The following PSMA3 variants were observed in gnomAD, a reference collection of about 807,000 sequenced individuals.
PSMA3 encodes proteasome subunit alpha type-3.
Under a neutral mutation model 40.0 loss-of-function variants are expected in PSMA3, and 8 were observed. The ratio of observed to expected loss-of-function variants is 0.20; its 90% CI spans 0.12 to 0.36. The LOEUF (loss-of-function observed/expected upper bound fraction) is 0.36. Ranked by LOEUF, PSMA3 falls within the 10% of genes least tolerant of loss-of-function variation. The pLI is 1.00. For synonymous variants in PSMA3, 110 were observed against 100.0 expected, an observed-to-expected ratio of 1.10 and a Z score of -0.59; for missense variants, 219 against 310.6, an observed-to-expected ratio of 0.70 and a Z score of 2.22.
At position 58,247,811 on chromosome 14, in the gene PSMA3, T is replaced by C; in HGVS notation, c.83T>C (p.Met28Thr). ...AGAGTTTTTCAAGTTGAATATGCTATGAAGGCTGTGGAAAATAGTAGGTAA... is the reference window on the plus strand; with the variant it reads ...AGAGTTTTTCAAGTTGAATATGCTACGAAGGCTGTGGAAAATAGTAGGTAA... ...DGRVFQVEYAMKAVENSSTAI... is the reference protein window; with the variant it reads ...DGRVFQVEYATKAVENSSTAI... The change falls in exon 2 of 11, where the codon ATG (methionine) becomes ACG (threonine). Residue 28 changes from methionine to threonine, a missense_variant. Met to Thr is a moderately conservative substitution (Grantham distance 81). Transcript: ENST00000216455. 1 of 1,602,316 alleles carries C rather than the reference T, an allele frequency of 6.2e-7. No homozygotes were observed. The highest frequency in any genetic ancestry group is 8.5e-7 in the Non-Finnish European group (1 of 1,170,060).
chr14:58,270,623 T>A (rs1890586932), intron 9 of PSMA3, 138 bp downstream of exon 9: 4 of 1,454,580 alleles, frequency 2.7e-6, no homozygotes, highest in South Asian at 2.8e-5. Context: ...TTCTGCTTAA[T>A]AATTGACTTA....
rs758758095 is a variant in PSMA3 at position 58,257,960 on chromosome 14, A to G, written c.366A>G (p.Ala122=). 3.1e-6 allele frequency: 5 copies of G among 1,614,158 alleles called. No homozygotes were observed. The highest frequency in any genetic ancestry group is 4.5e-5 in the East Asian group (2 of 44,882). ...LADRVAMYVH[A]YTLYSAVRPF... is the part of the protein sequence containing the mutation. ...ACAGAGTGGCCATGTATGTGCATGC[A>G]TATACACTCTACAGTGCTGTTAGAC... Residue 122 remains alanine (A), a synonymous_variant, in exon 5 of 11, where the codon GCA becomes GCG. Coordinates refer to ENST00000216455, the MANE Select transcript of PSMA3 (RefSeq NM_002788.4).
chr14:58,257,796 G>C lies in PSMA3; in HGVS notation c.280G>C (p.Glu94Gln), dbSNP rs1217248630. ...DARSLADIAR[E>Q]EASNFRSNFG... ...TCGTTCTTTAGCAGACATAGCAAGA[G>C]AAGAAGCTTCCAACTTCAGATCTAA... The change falls in exon 4 of 11, where the codon GAA (glutamate) becomes CAA (glutamine). Residue 94 changes from glutamate (E) to glutamine (Q), a missense_variant. Physicochemically the swap from Glu to Gln is conservative, Grantham distance 29 (BLOSUM62 2). Transcript: ENST00000216455. 4 of 1,613,546 alleles carry C rather than the reference G, an allele frequency of 2.5e-6. No homozygotes were observed. The highest frequency in any genetic ancestry group is 3.4e-6 in the Non-Finnish European group (4 of 1,179,692).
chr14:58,267,534 T>A lies in PSMA3; in HGVS notation c.590+14T>A. 6.4e-7 allele frequency: 1 copy of A among 1,569,870 alleles called. No homozygotes were observed. The highest frequency in any genetic ancestry group is 8.6e-7 in the Non-Finnish European group (1 of 1,162,788). ...AGTTGCAAAAATGTAAGTTGAAATTTTTCTTACCATCCACAAAAATATTTC... is the reference window on the plus strand; with the variant it reads ...AGTTGCAAAAATGTAAGTTGAAATTATTCTTACCATCCACAAAAATATTTC... On this transcript the variant is annotated intron_variant, in intron 8 of 10. Coordinates refer to ENST00000216455, the MANE Select transcript of PSMA3 (RefSeq NM_002788.4).
chr14:58,264,368 T>TA (rs1359638058), intron 7 of PSMA3, among the ~76,000 whole-genome samples: 2 of 152,376 alleles, frequency 1.3e-5, no homozygotes, highest in Middle Eastern at 3.4e-3. Context: ...CCTACACTCT[T>TA]ACGACTACCC....
intron 6 of PSMA3, among the ~76,000 whole-genome samples, chr14:58,263,181 T>C (rs567843903): frequency 3.9e-4 from 59 of 151,874 alleles, no homozygotes; most frequent in Admixed American, 2.8e-3. Context: ...GACAGGGTTT[T>C]ACAATGTTGG....
intron 2 of PSMA3, 120 bp downstream of exon 2, chr14:58,247,952 A>C (rs1889915745): frequency 3.2e-6 from 2 of 632,204 alleles, no homozygotes; most frequent in Admixed American, 3.3e-5. Context: ...CAATTTATTC[A>C]TTTCCAGATC....
chr14:58,252,074 C>A (rs1211315439), intron 2 of PSMA3, 45 bp from the exon 3 acceptor site: 1 of 1,544,080 alleles, frequency 6.5e-7, no homozygotes, highest in East Asian at 2.3e-5. Context: ...TATGAAGTTT[C>A]TTTTATTTTC....
chr14:58,269,242 T>C (rs1890539012), intron 8 of PSMA3, among the ~76,000 whole-genome samples: 1 of 152,038 alleles, frequency 6.6e-6, no homozygotes, highest in Admixed American at 6.6e-5. Context: ...TCTTGATACT[T>C]TTTATGTTAC....
chr14:58,259,884 A>C (rs891232852), intron 5 of PSMA3, among the ~76,000 whole-genome samples: 4 of 152,176 alleles, frequency 2.6e-5, no homozygotes, highest in African/African-American at 9.7e-5. Flanking sequence ...ATACTGATGT[A>C]GGAAGGGGTC....
At chr14:58,249,248 C>T (rs1344293544) in intron 2 of PSMA3, among the ~76,000 whole-genome samples, 1 of 152,042 alleles carries the variant, frequency 6.6e-6, no homozygotes, top group African/African-American at 2.4e-5. Context: ...GCATGAGCCA[C>T]GGCGCCCGGC....
At chr14:58,259,103 A>AT (rs1032005308) in intron 5 of PSMA3, among the ~76,000 whole-genome samples, 9 of 151,370 alleles carry the variant, frequency 5.9e-5, no homozygotes, top group African/African-American at 9.7e-5. Flanking sequence ...AATTAACAAA[A>AT]TTTTTTTTTG....
At chr14:58,247,400 T>C (rs1201043165) in intron 1 of PSMA3, among the ~76,000 whole-genome samples, 1 of 152,240 alleles carries the variant, frequency 6.6e-6, no homozygotes, top group Non-Finnish European at 1.5e-5. Context: ...TGAAGTCTTT[T>C]AGTTTGTTAA....
rs150416704 is a variant in PSMA3, at chr14:58,259,437, C to T, written c.404+1439C>T. ...TCAAGCTATTCTCCTGCCTCAACCT[C>T]CTGAGTAGCAGGGATTACAAGCACC... On this transcript the variant is annotated intron_variant, in intron 5 of 10. Transcript: ENST00000216455. Among the ~76,000 whole-genome samples the T allele has an allele frequency of 4.8e-3, 727 of 152,264 alleles. 5 individuals carry two copies. Among genetic ancestry groups the T allele is most frequent in the African/African-American group, 0.017 (701 of 41,554 alleles).
At chr14:58,251,515 C>G (rs972615710) in intron 2 of PSMA3, among the ~76,000 whole-genome samples, 2 of 152,218 alleles carry the variant, frequency 1.3e-5, no homozygotes, top group African/African-American at 4.8e-5. Flanking sequence ...ATCCTCCTGC[C>G]TCAGCATCCC....
chr14:58,257,978 T>C lies in PSMA3; in HGVS notation c.384T>C (p.Ala128=), dbSNP rs781356426. The stretch of plus-strand genomic sequence containing the variant: ...TGCATGCATATACACTCTACAGTGC[T>C]GTTAGACCTTTTGGCTGCAGGTAAG... The part of the protein sequence containing the change: ...MYVHAYTLYS[A]VRPFGCSFML... The change falls in exon 5 of 11, where the codon GCT becomes GCC. Residue 128 remains alanine, a synonymous_variant. Transcript: ENST00000216455. The C allele has an allele frequency of 1.2e-6, 2 of 1,613,644 alleles. No homozygotes were observed. Among genetic ancestry groups the C allele is most frequent in the South Asian group, 1.1e-5 (1 of 91,080 alleles).
chr14:58,257,031 G>A (rs1296717769), intron 3 of PSMA3, among the ~76,000 whole-genome samples: 1 of 150,678 alleles, frequency 6.6e-6, no homozygotes, highest in Non-Finnish European at 1.5e-5. Flanking sequence ...GAACCTGAGA[G>A]GCAAAGGTTG....
chr14:58,247,682 G>A, intron 1 of PSMA3, 68 bp from the exon 2 acceptor site: 1 of 1,052,968 alleles, frequency 9.5e-7, no homozygotes, highest in Non-Finnish European at 1.4e-6. Context: ...CAGCCATTTA[G>A]AGGGGAAGAA....
chr14:58,248,659 T>A (rs1370275382), intron 2 of PSMA3, among the ~76,000 whole-genome samples: 1 of 152,040 alleles, frequency 6.6e-6, no homozygotes, highest in Non-Finnish European at 1.5e-5. Flanking sequence ...TTTTCCTGAA[T>A]GAAGAAAAAA....
Sources: allele counts gnomAD v4.1 joint callset (sites outside exome capture counted in the v4.1 genomes callset), GRCh38; gene constraint gnomAD v4.1.1; transcripts MANE v1.5; gene names NCBI Gene and HGNC (gene_info 2026-07-23, HGNC 2026-07-21).